Variants in CCDC136 observed in about 807,000 individuals in gnomAD.
CCDC136 encodes coiled-coil domain containing 136.
Under a neutral mutation model 141.2 loss-of-function variants are expected in CCDC136, and 100 were observed. The ratio of observed to expected loss-of-function variants is 0.71; its 90% confidence interval spans 0.60 to 0.84. The LOEUF is 0.84. Ranked by LOEUF, CCDC136 falls within the 40% of genes least tolerant of loss-of-function variation. The probability of loss-of-function intolerance (pLI) is 0.00; values close to 1 mark genes in which losing one functional copy is unlikely to be tolerated. For missense variants in CCDC136, 1,206 were observed against 1,379.4 expected, an observed-to-expected ratio of 0.87 and a Z score of 1.99; for synonymous variants, 474 against 531.9, an observed-to-expected ratio of 0.89 and a Z score of 1.50.
chr7:128,808,618 ACT>A, intron 10 of CCDC136: 2 of 985,146 alleles, frequency 2.0e-6, no homozygotes, highest in Non-Finnish European at 2.4e-6. Context: ...CTGCCAGAAA[ACT>A]CAGTAGTTCC....
chr7:128,821,581 A>G lies in CCDC136; in HGVS notation c.*6-218A>G, dbSNP rs555239842. 7.2e-5 allele frequency among the ~76,000 whole-genome samples: 11 copies of G among 152,334 alleles called. No individual in the cohort carries two copies. In the East Asian group the frequency reaches 1.9e-3, roughly 27 times the overall value. ...CCCATGGGGAGAAACGGAGGCCTGA[A>G]TACAGGCGGTCACCTAAGGTGGTGC... On this transcript the variant is annotated intron_variant, in intron 17 of 17. Transcript: ENST00000297788. The surrounding 1 kb of genome is among the most constrained non-coding windows in gnomAD (Gnocchi z 5.1).
Position 128,806,718 on chromosome 7 carries a change from C to T in CCDC136, c.1279C>T (p.Leu427Phe). ...ELLCRLQKLH[L>F]QHQNVTCEKE... ...ACTGTGCCGGCTGCAGAAGCTGCAC[C>T]TCCAGCACCAGAACGTCACATGTGA... The change falls in exon 9 of 18, where the codon CTC becomes TTC. Residue 427 changes from leucine to phenylalanine, a missense_variant. Transcript: ENST00000297788. 1 of 1,611,092 alleles carries T rather than the reference C, an allele frequency of 6.2e-7. No individual in the cohort carries two copies. The highest frequency in any genetic ancestry group is 8.5e-7 in the Non-Finnish European group (1 of 1,179,376).
Position 128,821,723 on chromosome 7 carries a change from C to G in CCDC136, c.*6-76C>G. ...AATGTTCCTGAGGTGTCTTGGGCAC[C>G]CATAGGCAGGTGACTTCTGGCTTAG... On this transcript the variant is annotated intron_variant, in intron 17 of 17. Coordinates refer to ENST00000297788, the MANE Select transcript of CCDC136 (RefSeq NM_022742.5). This position sits in a 1 kb window ranked among gnomAD's most constrained non-coding sequence, Gnocchi z 5.1. 2 of 1,194,342 alleles carry G rather than the reference C, an allele frequency of 1.7e-6. No homozygotes were observed. The highest frequency in any genetic ancestry group is 2.5e-5 in the South Asian group (2 of 78,552). 74.0% of individuals were successfully genotyped at this position (1,194,342 alleles called of 1,614,324 possible).
intron 13 of CCDC136, among the ~76,000 whole-genome samples, 166 bp downstream of exon 13, chr7:128,812,478 C>T (rs777501498): frequency 2.0e-5 from 3 of 152,124 alleles, no homozygotes; most frequent in South Asian, 2.1e-4. Flanking sequence ...CCTGGTCTCC[C>T]GCTCAGCCCT....
chr7:128,807,288 C>T, intron 9 of CCDC136, 72 bp from the exon 10 acceptor site: 1 of 1,199,744 alleles, frequency 8.3e-7, no homozygotes, highest in Non-Finnish European at 1.1e-6. Flanking sequence ...TCCCCTTAGT[C>T]CCCGCCTGGG....
chr7:128,794,686 C>T lies in CCDC136; in HGVS notation c.272-8C>T. ...CCGAGCTTGACACTGGTGCCCCTCT[C>T]CCTGCAGGGCTCCTGGAGGATGAAC... is the stretch of plus-strand genomic sequence containing the variant. On this transcript the variant is annotated splice_region_variant and splice_polypyrimidine_tract_variant and intron_variant, in intron 2 of 17. Coordinates refer to ENST00000297788, the MANE Select transcript of CCDC136 (RefSeq NM_022742.5). This position sits in a 1 kb window ranked among gnomAD's most constrained non-coding sequence, Gnocchi z 4.3. 1 of 1,549,944 alleles carries T rather than the reference C, an allele frequency of 6.5e-7. No individual in the cohort carries two copies. The highest frequency in any genetic ancestry group is 8.7e-7 in the Non-Finnish European group (1 of 1,146,000).
chr7:128,796,737 A>ATT (rs1236842533), intron 3 of CCDC136, among the ~76,000 whole-genome samples: 1 of 119,120 alleles, frequency 8.4e-6, no homozygotes, highest in African/African-American at 4.3e-5. Flanking sequence ...ATATATATAT[A>ATT]TATTCTTTTT....
intron 3 of CCDC136, among the ~76,000 whole-genome samples, chr7:128,799,172 T>TAAAA (rs35342890): frequency 9.7e-5 from 5 of 51,328 alleles, no homozygotes; most frequent in African/African-American, 3.0e-4. Context: ...ATCTCTACAT[T>TAAAA]AAAAAAAAAA....
Position 128,794,273 on chromosome 7 carries a change from G to A in CCDC136, c.17-75G>A. On this transcript the variant is annotated intron_variant, in intron 1 of 17. Transcript: ENST00000297788. This position sits in a 1 kb window ranked among gnomAD's most constrained non-coding sequence, Gnocchi z 4.3. ...TATGTCATCTCTGCCCTGGCATAGT[G>A]AGTTTGAGGGCCCTGGAAGGACGGC... The A allele has an allele frequency of 3.9e-6, 6 of 1,548,482 alleles. No homozygotes were observed. The highest frequency in any genetic ancestry group is 5.2e-6 in the Non-Finnish European group (6 of 1,145,092).
intron 3 of CCDC136, among the ~76,000 whole-genome samples, chr7:128,799,678 G>T (rs956355435): frequency 2.6e-5 from 4 of 152,010 alleles, no homozygotes; most frequent in African/African-American, 9.7e-5. Context: ...GGCTAGAAAA[G>T]TTGACATCTG....
chr7:128,801,612 T>G, intron 4 of CCDC136, 103 bp downstream of exon 4: 26 of 853,498 alleles, frequency 3.0e-5, no homozygotes, highest in Non-Finnish European at 3.7e-5. Flanking sequence ...TGGGAATCTC[T>G]AGAAAAAACC....
upstream of CCDC136, chr7:128,791,378 G>A (rs989134054): frequency 1.5e-6 from 1 of 676,854 alleles, no homozygotes; most frequent in Non-Finnish European, 2.1e-6. This position sits in a 1 kb window ranked among gnomAD's most constrained non-coding sequence, Gnocchi z 7.1. Flanking sequence ...AGGAGGCCCG[G>A]CCAGGCCCCG....
In CCDC136 at chr7:128,817,677, AT is replaced by A; in HGVS notation, c.3364-79del. 1 of 974,270 alleles carries A rather than the reference AT, an allele frequency of 1.0e-6. No individual in the cohort carries two copies. The highest frequency in any genetic ancestry group is 1.7e-5 in the Admixed American group (1 of 58,988). The allele number at this position is 974,270 out of a possible 1,614,324, so 60.4% of individuals were successfully genotyped here. A position where few individuals can be genotyped will look rare whatever the true frequency, so the allele number is the denominator to read the frequency against. ...CTTTTCCCTTTGTTTTCTCATCTTC[AT>A]TATCTGTTGGATCCATGCGTTTATG... On this transcript the variant is annotated intron_variant, in intron 16 of 17. Coordinates refer to ENST00000297788, the MANE Select transcript of CCDC136 (RefSeq NM_022742.5). The surrounding 1 kb of genome is among the most constrained non-coding windows in gnomAD (Gnocchi z 4.6).
intron 3 of CCDC136, among the ~76,000 whole-genome samples, chr7:128,796,740 T>TATATATGTATATATATA (rs61079649): frequency 8.0e-6 from 1 of 124,766 alleles, no homozygotes; most frequent in African/African-American, 3.7e-5. Flanking sequence ...TATATATATA[T>TATATATGTATATATATA]TCTTTTTTTT....
In CCDC136 at chr7:128,792,397, C is replaced by T; in HGVS notation, c.-15C>T. The T allele has an allele frequency of 1.2e-6, 2 of 1,611,460 alleles. No individual in the cohort carries two copies. The highest frequency in any genetic ancestry group is 1.7e-6 in the Non-Finnish European group (2 of 1,178,656). On this transcript the variant is annotated 5_prime_UTR_variant, in exon 1 of 18. Transcript: ENST00000297788. ...GAAGAAGGGCCAACGCTGGGGGTCCCTGGAACGACGGGGGATGCAAGCTAT... is the reference window on the plus strand; with the variant it reads ...GAAGAAGGGCCAACGCTGGGGGTCCTTGGAACGACGGGGGATGCAAGCTAT...
At chr7:128,819,779 C>T (rs1807187309) in intron 17 of CCDC136, among the ~76,000 whole-genome samples, 1 of 152,128 alleles carries the variant, frequency 6.6e-6, no homozygotes, top group Admixed American at 6.5e-5. Flanking sequence ...TCTTGCTTCC[C>T]TTTATTGTCT....
At chr7:128,811,550 G>A (rs1159311170) in intron 12 of CCDC136, among the ~76,000 whole-genome samples, 1 of 152,212 alleles carries the variant, frequency 6.6e-6, no homozygotes, top group Non-Finnish European at 1.5e-5. Context: ...GTACCAAAGT[G>A]CAGAAACCAG....
chr7:128,802,142 C>T (rs1185973271), intron 4 of CCDC136, among the ~76,000 whole-genome samples: 1 of 152,084 alleles, frequency 6.6e-6, no homozygotes, highest in East Asian at 1.9e-4. Context: ...CAAATCGGAA[C>T]AAAAGACAGC....
chr7:128,822,002 T>A lies in CCDC136; in HGVS notation c.*209T>A. The A allele has an allele frequency of 1.6e-6, 2 of 1,260,120 alleles. No individual in the cohort carries two copies. Among genetic ancestry groups the A allele is most frequent in the Non-Finnish European group, 2.1e-6 (2 of 971,280 alleles). The allele number at this position is 1,260,120 out of a possible 1,614,324, so 78.1% of individuals were successfully genotyped here. A position where few individuals can be genotyped will look rare whatever the true frequency, so the allele number is the denominator to read the frequency against. ...ACTGTGCCAGAACCCTCCCCATATG[T>A]TCCATGTGTCCCCATCTCCTCAGCC... is the stretch of plus-strand genomic sequence containing the variant. On this transcript the variant is annotated 3_prime_UTR_variant, in exon 18 of 18. Transcript: ENST00000297788.
Sources: gnomAD v4.1 joint callset for allele counts (sites outside exome capture counted in the v4.1 genomes callset) on GRCh38, gnomAD v4.1.1 for gene constraint, Gnocchi (gnomAD v3.1) non-coding constraint, MANE v1.5 for transcripts, NCBI Gene and HGNC (gene_info 2026-07-23, HGNC 2026-07-21) for gene names.